The following THSD7A variants were observed in gnomAD, a reference collection of about 807,000 sequenced individuals.
THSD7A encodes thrombospondin type-1 domain-containing protein 7A.
In THSD7A, 96 loss-of-function variants were observed where a neutral mutation model predicts 231.3. The ratio of observed to expected loss-of-function variants is 0.41; its 90% CI spans 0.35 to 0.49. THSD7A has a LOEUF of 0.49. Among genes scored for constraint, THSD7A ranks in the 20% least tolerant of loss-of-function variants. The pLI is 0.05. For missense variants in THSD7A, 2,290 were observed against 2,070.2 expected (o/e 1.11, Z -2.06); for synonymous variants, 940 against 743.3 (o/e 1.26, Z -4.30).
At chr7:11,824,232 T>C (rs1206492477) in intron 1 of THSD7A, among the ~76,000 whole-genome samples, 1 of 152,108 alleles carries the variant, frequency 6.6e-6, no homozygotes. Context: ...GCCAGTCTAA[T>C]GTGCCTTTAC....
intron 1 of THSD7A, among the ~76,000 whole-genome samples, chr7:11,679,076 A>T (rs1783762510): frequency 6.6e-6 from 1 of 152,214 alleles, no homozygotes; most frequent in South Asian, 2.1e-4. Context: ...TCCATCACAT[A>T]AACAGAACCA....
intron 4 of THSD7A, among the ~76,000 whole-genome samples, chr7:11,574,236 T>C (rs1790778440): frequency 7.5e-6 from 1 of 133,926 alleles, no homozygotes; most frequent in African/African-American, 2.8e-5. Flanking sequence ...TTTGATATTT[T>C]CTTATTTATT....
chr7:11,813,410 C>T (rs922970225), intron 1 of THSD7A, among the ~76,000 whole-genome samples: 2 of 152,030 alleles, frequency 1.3e-5, no homozygotes, highest in African/African-American at 2.4e-5. Flanking sequence ...TTATGCTGTG[C>T]TGGGTTTAAA....
chr7:11,445,752 T>C (rs1256975672), intron 13 of THSD7A, among the ~76,000 whole-genome samples: 2 of 152,080 alleles, frequency 1.3e-5, no homozygotes, highest in East Asian at 3.9e-4. Context: ...TGGGTGTGTT[T>C]AATGTACAGG....
intron 4 of THSD7A, among the ~76,000 whole-genome samples, chr7:11,587,069 C>T (rs1584032305): frequency 2.0e-5 from 3 of 152,162 alleles, no homozygotes; most frequent in African/African-American, 7.2e-5. Context: ...CATGTTCAAT[C>T]TGTACTAAAT....
At chr7:11,410,354 T>C (rs922414687) in intron 19 of THSD7A, 1 of 152,182 alleles carries the variant, frequency 6.6e-6, no homozygotes, top group Non-Finnish European at 1.5e-5. Context: ...CTGTGGGCTA[T>C]AATAACCCCA....
intron 4 of THSD7A, among the ~76,000 whole-genome samples, chr7:11,589,608 T>A (rs1473601400): frequency 6.6e-6 from 1 of 152,212 alleles, no homozygotes; most frequent in African/African-American, 2.4e-5. Flanking sequence ...TGTATTGGTA[T>A]TTCTATCCTC....
chr7:11,674,001 A>G (rs974366356), intron 1 of THSD7A, among the ~76,000 whole-genome samples: 1 of 151,886 alleles, frequency 6.6e-6, no homozygotes, highest in Non-Finnish European at 1.5e-5. Context: ...TGAGCCACTG[A>G]ATCACCAGAC....
At chr7:11,695,705 G>C (rs1379831982) in intron 1 of THSD7A, among the ~76,000 whole-genome samples, 1 of 151,504 alleles carries the variant, frequency 6.6e-6, no homozygotes, top group Non-Finnish European at 1.5e-5. Flanking sequence ...TAGTAGGTTA[G>C]GACATTGTGG....
At chr7:11,598,945 C>T (rs1382559400) in intron 2 of THSD7A, among the ~76,000 whole-genome samples, 1 of 152,126 alleles carries the variant, frequency 6.6e-6, no homozygotes, top group Non-Finnish European at 1.5e-5. Flanking sequence ...CTACCTTTAA[C>T]TCAACAGGCT....
chr7:11,743,139 T>A (rs971237726), intron 1 of THSD7A, among the ~76,000 whole-genome samples: 1 of 151,912 alleles, frequency 6.6e-6, no homozygotes, highest in African/African-American at 2.4e-5. Context: ...ACCTATTCTT[T>A]CTCATTAACA....
intron 16 of THSD7A, among the ~76,000 whole-genome samples, chr7:11,424,340 C>A (rs1583714011): frequency 6.6e-6 from 1 of 152,074 alleles, no homozygotes; most frequent in African/African-American, 2.4e-5. Flanking sequence ...CAGTTTGATA[C>A]AAAAGAGCAA....
Position 11,411,353 on chromosome 7 carries a change from A to G in THSD7A, c.3683-31T>C. On this transcript the variant is annotated intron_variant, in intron 18 of 27. Transcript: ENST00000423059. This position sits in a 1 kb window ranked among gnomAD's most constrained non-coding sequence, Gnocchi z 4.1. The stretch of plus-strand genomic sequence containing the variant: ...AAAAAGGGAAGCCCATCAGAACAGA[A>G]GGCTAAGTAAGAAACAGATTTCAAA... 6.9e-7 allele frequency: 1 copy of G among 1,452,338 alleles called. No homozygotes were observed. Among genetic ancestry groups the G allele is most frequent in the South Asian group, 1.2e-5 (1 of 84,942 alleles). 90.0% of individuals were successfully genotyped at this position (1,452,338 alleles called of 1,614,324 possible). A position where few individuals can be genotyped will look rare whatever the true frequency, so the allele number is the denominator to read the frequency against.
intron 1 of THSD7A, among the ~76,000 whole-genome samples, chr7:11,638,066 C>T (rs1486422686): frequency 1.3e-5 from 2 of 152,058 alleles, no homozygotes; most frequent in Non-Finnish European, 2.9e-5. Context: ...GCTCTAGTGC[C>T]CCTCACACCC....
intron 4 of THSD7A, among the ~76,000 whole-genome samples, chr7:11,565,493 G>A (rs1790270768): frequency 6.6e-6 from 1 of 152,192 alleles, no homozygotes; most frequent in Non-Finnish European, 1.5e-5. Context: ...TACCTGTTAG[G>A]AGACTATTCC....
intron 7 of THSD7A, among the ~76,000 whole-genome samples, chr7:11,480,261 C>T (rs755692263): frequency 2.4e-4 from 37 of 152,096 alleles, no homozygotes; most frequent in Non-Finnish European, 3.7e-4. Flanking sequence ...ATGACCTTTC[C>T]GTGTGAAGCA....
chr7:11,501,330 C>T (rs918969690), intron 6 of THSD7A, among the ~76,000 whole-genome samples: 13 of 152,204 alleles, frequency 8.5e-5, no homozygotes, highest in African/African-American at 3.1e-4. Flanking sequence ...AATATACATT[C>T]TTCTCATTGC....
chr7:11,407,963 GT>G (rs567100524), intron 19 of THSD7A, among the ~76,000 whole-genome samples: 114 of 151,692 alleles, frequency 7.5e-4, no homozygotes, highest in African/African-American at 2.4e-3. Flanking sequence ...GGTCACCAAA[GT>G]TTTTTTTTGA....
intron 15 of THSD7A, 139 bp downstream of exon 15, chr7:11,426,527 A>T (rs991198779): frequency 5.4e-6 from 5 of 917,788 alleles, no homozygotes; most frequent in South Asian, 4.0e-5. Flanking sequence ...TATAGAAAAA[A>T]ATTCTTTAAT....
Sources: gnomAD v4.1 joint callset for allele counts (sites outside exome capture counted in the v4.1 genomes callset) on GRCh38, gnomAD v4.1.1 for gene constraint, Gnocchi (gnomAD v3.1) non-coding constraint, MANE v1.5 for transcripts, NCBI Gene and HGNC (gene_info 2026-07-23, HGNC 2026-07-21) for gene names.